The following MMP16 variants were observed in gnomAD, a reference collection of about 807,000 sequenced individuals.
MMP16 encodes the protein matrix metalloproteinase-16.
A neutral mutation model predicts 67.8 loss-of-function variants in MMP16; 12 were observed. That is an observed-to-expected ratio of 0.18 (90% CI 0.11 to 0.29). MMP16 has a LOEUF of 0.29. Ranked by LOEUF, MMP16 falls within the 10% of genes least tolerant of loss-of-function variation. The pLI is 1.00. For synonymous variants in MMP16, 249 were observed against 255.9 expected (o/e 0.97, Z 0.26); for missense variants, 475 against 765.7 (o/e 0.62, Z 4.48).
intron 9 of MMP16, among the ~76,000 whole-genome samples, chr8:88,045,521 C>A (rs2118196353): frequency 6.6e-6 from 1 of 152,182 alleles, no homozygotes; most frequent in East Asian, 1.9e-4. Context: ...CAGGTACATG[C>A]CACCATGCCT....
At chr8:88,161,529 GT>G (rs1171295595) in intron 4 of MMP16, among the ~76,000 whole-genome samples, 2 of 151,844 alleles carry the variant, frequency 1.3e-5, no homozygotes, top group African/African-American at 4.8e-5. Flanking sequence ...TTTTTGAGGG[GT>G]TTTTTTGTGT....
rs569528224 is a variant in MMP16, at chr8:88,036,248, T to A, written c.*5213A>T. 6.6e-6 allele frequency: 1 copy of A among 152,052 alleles called. No homozygotes were observed. The highest frequency in any genetic ancestry group is 2.1e-4 in the South Asian group (1 of 4,834). 9.4% of individuals were successfully genotyped at this position (152,052 alleles called of 1,614,324 possible). Reference sequence around the variant, plus strand: ...CCACTGGCTAAATATTACATTGATATATCACATAATCATCACTAGTGCAAA... The same window carrying A: ...CCACTGGCTAAATATTACATTGATAAATCACATAATCATCACTAGTGCAAA... On this transcript the variant is annotated 3_prime_UTR_variant, in exon 10 of 10. Transcript: ENST00000286614.
intron 4 of MMP16, among the ~76,000 whole-genome samples, chr8:88,148,816 T>A (rs1280448020): frequency 6.6e-6 from 1 of 152,224 alleles, no homozygotes; most frequent in Admixed American, 6.5e-5. Flanking sequence ...ACATGTTACT[T>A]GTTAAAATCA....
chr8:88,211,714 G>A (rs1809515584), intron 1 of MMP16, among the ~76,000 whole-genome samples: 1 of 151,982 alleles, frequency 6.6e-6, no homozygotes, highest in Admixed American at 6.6e-5. Flanking sequence ...TTTCCTAATT[G>A]CCTAATTCAT....
chr8:88,225,505 A>T (rs1238676861), intron 1 of MMP16, among the ~76,000 whole-genome samples: 1 of 152,020 alleles, frequency 6.6e-6, no homozygotes, highest in African/African-American at 2.4e-5. Context: ...ACAATGAAAT[A>T]CAAGAGTATA....
chr8:88,319,449 G>T (rs77251386), intron 1 of MMP16, among the ~76,000 whole-genome samples: 2,646 of 152,052 alleles, frequency 0.017, 75 homozygotes, highest in African/African-American at 0.06. Context: ...CCAACTAGAT[G>T]AAGCAAGTAG....
intron 7 of MMP16, among the ~76,000 whole-genome samples, chr8:88,074,228 A>C (rs1329047657): frequency 1.3e-5 from 2 of 152,196 alleles, no homozygotes; most frequent in Non-Finnish European, 2.9e-5. Flanking sequence ...AATTTCAGAG[A>C]TTATGTATGA....
chr8:88,223,270 C>T (rs560310657), intron 1 of MMP16, among the ~76,000 whole-genome samples: 4 of 152,034 alleles, frequency 2.6e-5, no homozygotes, highest in East Asian at 3.9e-4. Flanking sequence ...TCAACCATTG[C>T]GGAAGACAGT....
intron 1 of MMP16, among the ~76,000 whole-genome samples, chr8:88,262,632 C>T (rs1387006028): frequency 1.3e-5 from 2 of 152,020 alleles, no homozygotes; most frequent in East Asian, 3.9e-4. Flanking sequence ...TTTCTTTGGG[C>T]TTTGCAAGCA....
intron 2 of MMP16, among the ~76,000 whole-genome samples, chr8:88,194,889 GA>G (rs1809225994): frequency 6.6e-6 from 1 of 151,994 alleles, no homozygotes; most frequent in African/African-American, 2.4e-5. Context: ...AACAAACAAG[GA>G]AAAAAGTCCC....
intron 8 of MMP16, among the ~76,000 whole-genome samples, chr8:88,054,801 A>G (rs1808311337): frequency 6.6e-6 from 1 of 152,190 alleles, no homozygotes; most frequent in Non-Finnish European, 1.5e-5. Flanking sequence ...AAAATTGTAA[A>G]TTTCCGAATA....
intron 4 of MMP16, among the ~76,000 whole-genome samples, chr8:88,166,864 C>T (rs1014635519): frequency 2.0e-5 from 3 of 151,392 alleles, no homozygotes; most frequent in Non-Finnish European, 4.4e-5. Context: ...AGCCACTGCG[C>T]CCAGCCTGCA....
chr8:88,163,411 C>T (rs1205017964), intron 4 of MMP16, among the ~76,000 whole-genome samples: 6 of 151,982 alleles, frequency 3.9e-5, no homozygotes, highest in African/African-American at 9.7e-5. Flanking sequence ...GCTACCACAG[C>T]GTTGATAACC....
At chr8:88,135,416 A>T (rs1014993127) in intron 4 of MMP16, among the ~76,000 whole-genome samples, 2 of 151,826 alleles carry the variant, frequency 1.3e-5, no homozygotes, top group African/African-American at 2.4e-5. Flanking sequence ...AGGATATTTT[A>T]CAAGTGTTGC....
At chr8:88,157,615 G>A (rs1808532762) in intron 4 of MMP16, among the ~76,000 whole-genome samples, 1 of 151,794 alleles carries the variant, frequency 6.6e-6, no homozygotes, top group Non-Finnish European at 1.5e-5. Flanking sequence ...ACAGCGGCAA[G>A]AAATAAAATC....
intron 6 of MMP16, among the ~76,000 whole-genome samples, chr8:88,114,725 A>G (rs1165774622): frequency 2.6e-5 from 4 of 152,046 alleles, no homozygotes; most frequent in African/African-American, 9.6e-5. Context: ...AATTATTGAC[A>G]AAATGAAAAT....
chr8:88,141,155 T>C (rs1187646169), intron 4 of MMP16, among the ~76,000 whole-genome samples: 1 of 152,190 alleles, frequency 6.6e-6, no homozygotes, highest in East Asian at 1.9e-4. Context: ...TCTCTCCCAC[T>C]TCCTGCAAAT....
At chr8:88,225,721 T>C (rs1410686845) in intron 1 of MMP16, among the ~76,000 whole-genome samples, 1 of 151,724 alleles carries the variant, frequency 6.6e-6, no homozygotes, top group Non-Finnish European at 1.5e-5. Flanking sequence ...TTTAAAAGTT[T>C]TGATGCTGCC....
Position 88,217,086 on chromosome 8 carries a change from C to T in MMP16, c.133-19780G>A, listed in dbSNP as rs575736784. On this transcript the variant is annotated intron_variant, in intron 1 of 9. Transcript: ENST00000286614. The stretch of plus-strand genomic sequence containing the variant: ...CTTCAAACTAGTATCATTGTTCTTC[C>T]AATGTTTTTCTGTAATTCTTCAAGC... 1.6e-3 allele frequency among the ~76,000 whole-genome samples: 241 copies of T among 152,064 alleles called. 1 individual carries two copies. Among genetic ancestry groups the T allele is most frequent in the Non-Finnish European group, 2.8e-3 (191 of 67,904 alleles).
Sources: allele counts gnomAD v4.1 joint callset (sites outside exome capture counted in the v4.1 genomes callset), GRCh38; gene constraint gnomAD v4.1.1; transcripts MANE v1.5; gene names NCBI Gene and HGNC (gene_info 2026-07-23, HGNC 2026-07-21).